TNK1: variants seen among roughly 807,000 people sequenced by gnomAD.
TNK1 encodes tyrosine kinase non receptor 1, also known as non-receptor tyrosine-protein kinase TNK1.
A neutral mutation model predicts 65.2 loss-of-function variants in TNK1; 53 were observed. The observed-to-expected ratio is 0.81, with a 90% confidence interval of 0.65 to 1.02. The LOEUF is 1.02. Ranked by LOEUF, TNK1 falls within the 50% of genes least tolerant of loss-of-function variation. The probability of loss-of-function intolerance (pLI) is 0.00; values close to 1 mark genes in which losing one functional copy is unlikely to be tolerated. For synonymous variants in TNK1, 353 were observed against 364.6 expected, an observed-to-expected ratio of 0.97 and a Z score of 0.36; for missense variants, 837 against 878.4, an observed-to-expected ratio of 0.95 and a Z score of 0.60.
rs1435886446 is a variant in TNK1, at chr17:7,383,735, G to A, written c.453G>A (p.Arg151=). ...KSVPVAVKSL[R]VGPEGPMGTE... is the part of the protein sequence containing the mutation. ...TCCCAGTGGCTGTCAAGTCCCTCCGGGTAGGTCCCGAAGGCCCGATGGGCA... is the reference window on the plus strand; with the variant it reads ...TCCCAGTGGCTGTCAAGTCCCTCCGAGTAGGTCCCGAAGGCCCGATGGGCA... The change falls in exon 5 of 13, where the codon CGG becomes CGA. Residue 151 remains arginine, a synonymous_variant. Coordinates refer to ENST00000688331, the MANE Select transcript of TNK1 (RefSeq NM_003985.6). The A allele has an allele frequency of 3.7e-6, 6 of 1,612,362 alleles. No individual in the cohort carries two copies. The highest frequency in any genetic ancestry group is 5.1e-6 in the Non-Finnish European group (6 of 1,179,236).
chr17:7,389,316 C>T lies in TNK1; in HGVS notation c.*232C>T, dbSNP rs1905435019. The T allele has an allele frequency of 3.5e-6, 2 of 574,286 alleles. No homozygotes were observed. Among genetic ancestry groups the T allele is most frequent in the Non-Finnish European group, 3.1e-6 (1 of 321,052 alleles). 35.6% of individuals were successfully genotyped at this position (574,286 alleles called of 1,614,324 possible). ...GAAGGCTGAAGCTCCTTTGGCTGGG[C>T]CAAGAAGGATCTAGTCTGCCCACTA... is the stretch of plus-strand genomic sequence containing the variant. On this transcript the variant is annotated 3_prime_UTR_variant, in exon 13 of 13. Coordinates refer to ENST00000688331, the MANE Select transcript of TNK1 (RefSeq NM_003985.6).
chr17:7,384,091 A>G lies in TNK1; in HGVS notation c.704A>G (p.Tyr235Cys). The change falls in exon 6 of 13, where the codon TAC (tyrosine) becomes TGC (cysteine). Residue 235 changes from tyrosine (Y) to cysteine (C), a missense_variant. Physicochemically the swap from Tyr to Cys is radical, Grantham distance 194 (BLOSUM62 -2). Transcript: ENST00000688331. The part of the protein sequence containing the change: ...FLRQLAGAMA[Y>C]LGARGLVHRD... ...CGGCAGCTGGCGGGAGCCATGGCGT[A>G]CCTGGGGGCCCGCGGGCTGGTGCAC... The G allele has an allele frequency of 6.5e-7, 1 of 1,543,296 alleles. No homozygotes were observed. Among genetic ancestry groups the G allele is most frequent in the Non-Finnish European group, 8.7e-7 (1 of 1,152,226 alleles).
chr17:7,389,355 G>C lies in TNK1; in HGVS notation c.*271G>C, dbSNP rs887884413. 2 of 535,658 alleles carry C rather than the reference G, an allele frequency of 3.7e-6. No homozygotes were observed. Among genetic ancestry groups the C allele is most frequent in the African/African-American group, 3.8e-5 (2 of 52,880 alleles). 33.2% of individuals were successfully genotyped at this position (535,658 alleles called of 1,614,324 possible). ...GTCTGCCCACTACATTCTCAAACAA[G>C]AGGACTTGGAAGAAAAGAGCTGCTA... On this transcript the variant is annotated 3_prime_UTR_variant, in exon 13 of 13. Transcript: ENST00000688331.
At chr17:7,385,380 A>T (rs1482017656) in intron 7 of TNK1, among the ~76,000 whole-genome samples, 1 of 89,972 alleles carries the variant, frequency 1.1e-5, no homozygotes, top group East Asian at 5.5e-4. Context: ...AAAAAAAAAG[A>T]AGAAGAAGAA....
chr17:7,384,242 C>T lies in TNK1; in HGVS notation c.855C>T (p.Ile285=), dbSNP rs1414319942. The T allele has an allele frequency of 6.8e-7, 1 of 1,479,200 alleles. No homozygotes were observed. Among genetic ancestry groups the T allele is most frequent in the East Asian group, 2.5e-5 (1 of 39,768 alleles). The allele number at this position is 1,479,200 out of a possible 1,614,324, so 91.6% of individuals were successfully genotyped here. Residue 285 remains isoleucine (I), a synonymous_variant, in exon 6 of 13, where the codon ATC becomes ATT. Transcript: ENST00000688331. The part of the protein sequence containing the change: ...GRYVMGGPRP[I]PYAWCAPESL... ...ACGTCATGGGCGGGCCCCGCCCTATCCCCTACGCCTGGTGAGAGCGGGTCC... is the reference window on the plus strand; with the variant it reads ...ACGTCATGGGCGGGCCCCGCCCTATTCCCTACGCCTGGTGAGAGCGGGTCC...
Position 7,388,912 on chromosome 17 carries a change from C to T in TNK1, c.1872+29C>T. ...AAGCCAGCCCCTTCTCTTGGGGTCC[C>T]TCCTCTCCTGCCCCTGCCGCCTGGC... On this transcript the variant is annotated intron_variant, in intron 12 of 12. Coordinates refer to ENST00000688331, the MANE Select transcript of TNK1 (RefSeq NM_003985.6). The surrounding 1 kb of genome is among the most constrained non-coding windows in gnomAD (Gnocchi z 4.5). The T allele has an allele frequency of 6.4e-7, 1 of 1,567,174 alleles. No individual in the cohort carries two copies. Among genetic ancestry groups the T allele is most frequent in the African/African-American group, 1.4e-5 (1 of 73,848 alleles).
At chr17:7,387,518 C>A in intron 10 of TNK1, 61 bp downstream of exon 10, 1 of 1,409,000 alleles carries the variant, frequency 7.1e-7, no homozygotes. Context: ...AATTCCGACC[C>A]CCTGCCCTAA....
In TNK1 at chr17:7,388,798, G is replaced by T; in HGVS notation, c.1787G>T (p.Ser596Ile). Residue 596 changes from serine to isoleucine, a missense_variant, in exon 12 of 13, where the codon AGT becomes ATT. Physicochemically the swap from Ser to Ile is moderately radical, Grantham distance 142. Transcript: ENST00000688331. The surrounding 1 kb of genome is among the most constrained non-coding windows in gnomAD (Gnocchi z 4.5). ...CTTTGTCTGTCACAGGTGGAGCTGA[G>T]TGTGCATGGGGTCACCCACCAGGAG... ...LQRKIMEVEL[S>I]VHGVTHQECQ... The T allele has an allele frequency of 6.2e-7, 1 of 1,607,270 alleles. No homozygotes were observed. The highest frequency in any genetic ancestry group is 8.5e-7 in the Non-Finnish European group (1 of 1,176,704).
Position 7,388,840 on chromosome 17 carries a change from GA to G in TNK1, c.1830del (p.Ala611ProfsTer15), listed in dbSNP as rs778675986. The G allele has an allele frequency of 2.1e-5, 34 of 1,606,932 alleles. No individual in the cohort carries two copies. In the Admixed American group the frequency reaches 5.3e-4, roughly 25 times the overall value. On this transcript the variant is annotated frameshift_variant, in exon 12 of 13. Coordinates refer to ENST00000688331, the MANE Select transcript of TNK1 (RefSeq NM_003985.6). LOFTEE classifies it high-confidence loss of function. This position sits in a 1 kb window ranked among gnomAD's most constrained non-coding sequence, Gnocchi z 4.5. Reference sequence around the variant, plus strand: ...CACCAGGAGTGCCAGACAGCACTAGGAGCCACTGGGGGAGATGTGGTTTCTG... The same window carrying G: ...CACCAGGAGTGCCAGACAGCACTAGGGCCACTGGGGGAGATGTGGTTTCTG... ...VTHQECQTAL[G>X]ATGGDVVSAI... is the part of the protein sequence containing the mutation.
At position 7,384,210 on chromosome 17, in the gene TNK1, G is replaced by C. The variant is rs534996806; in HGVS notation, c.823G>C (p.Gly275Arg). The change falls in exon 6 of 13, where the codon GGC becomes CGC. Residue 275 changes from glycine (G) to arginine (R), a missense_variant. Gly to Arg is a moderately radical substitution (Grantham distance 125). Coordinates refer to ENST00000688331, the MANE Select transcript of TNK1 (RefSeq NM_003985.6). The part of the protein sequence containing the change: ...GLVRPLGGAR[G>R]RYVMGGPRPI... ...GGTGCGGCCTCTGGGCGGTGCCCGG[G>C]GCCGCTACGTCATGGGCGGGCCCCG... 4.3e-5 allele frequency: 65 copies of C among 1,519,548 alleles called. 1 individual carries two copies. The African/African-American group carries it at 5.0e-4, about 12-fold the overall frequency. 94.1% of individuals were successfully genotyped at this position (1,519,548 alleles called of 1,614,324 possible).
Position 7,382,912 on chromosome 17 carries a change from ACTCCTT to A in TNK1, c.-10_-5del. ...AAGGAGAGTGCCATCATCCTTAGGAACTCCTTCTCCAGACATGCTTCCTGAGGCTGG... is the reference window on the plus strand; with the variant it reads ...AAGGAGAGTGCCATCATCCTTAGGAACTCCAGACATGCTTCCTGAGGCTGG... On this transcript the variant is annotated 5_prime_UTR_variant, in exon 2 of 13. Coordinates refer to ENST00000688331, the MANE Select transcript of TNK1 (RefSeq NM_003985.6). The surrounding 1 kb of genome is among the most constrained non-coding windows in gnomAD (Gnocchi z 4.1). 1.9e-6 allele frequency: 3 copies of A among 1,612,914 alleles called. No homozygotes were observed. Among genetic ancestry groups the A allele is most frequent in the East Asian group, 2.2e-5 (1 of 44,842 alleles).
At position 7,383,039 on chromosome 17, in the gene TNK1, T is replaced by G; in HGVS notation, c.113T>G (p.Phe38Cys). The change falls in exon 2 of 13, where the codon TTC becomes TGC. Residue 38 changes from phenylalanine to cysteine, a missense_variant. Phe to Cys is a radical substitution (Grantham distance 205). Coordinates refer to ENST00000688331, the MANE Select transcript of TNK1 (RefSeq NM_003985.6). ...CTTAATGTCACTCGGCCAGAGCACT[T>G]CGACTTTGTAAAGCCTGAGGACCTG... The part of the protein sequence containing the change: ...EELNVTRPEH[F>C]DFVKPEDLDG... 6.2e-7 allele frequency: 1 copy of G among 1,614,038 alleles called. No individual in the cohort carries two copies. The highest frequency in any genetic ancestry group is 2.2e-5 in the East Asian group (1 of 44,890).
At position 7,382,687 on chromosome 17, in the gene TNK1, C is replaced by T; in HGVS notation, c.-91-149C>T. ...GCTAAAATTGCAGGTGTGAGCAGGG[C>T]AGGTTACTCAGCGGTGAAGGGACAG... On this transcript the variant is annotated intron_variant, in intron 1 of 12. Transcript: ENST00000688331. This position sits in a 1 kb window ranked among gnomAD's most constrained non-coding sequence, Gnocchi z 4.1. The T allele has an allele frequency of 3.8e-6, 2 of 528,290 alleles. No homozygotes were observed. Among genetic ancestry groups the T allele is most frequent in the South Asian group, 4.6e-5 (2 of 43,832 alleles). 32.7% of individuals were successfully genotyped at this position (528,290 alleles called of 1,614,324 possible). A position where few individuals can be genotyped will look rare whatever the true frequency, so the allele number is the denominator to read the frequency against.
Position 7,383,013 on chromosome 17 carries a change from G to C in TNK1, c.87G>C (p.Glu29Asp). 1 of 1,614,024 alleles carries C rather than the reference G, an allele frequency of 6.2e-7. No individual in the cohort carries two copies. Among genetic ancestry groups the C allele is most frequent in the Non-Finnish European group, 8.5e-7 (1 of 1,179,898 alleles). Residue 29 changes from glutamate (E) to aspartate (D), a missense_variant, in exon 2 of 13, where the codon GAG (glutamate) becomes GAC (aspartate). Glu to Asp is a conservative substitution (Grantham distance 45). Coordinates refer to ENST00000688331, the MANE Select transcript of TNK1 (RefSeq NM_003985.6). ...AGTTTTACTGGCCCATCCTTGAGGA[G>C]CTTAATGTCACTCGGCCAGAGCACT... ...LAQFYWPILEELNVTRPEHFD... is the reference protein window; with the variant it reads ...LAQFYWPILEDLNVTRPEHFD...
chr17:7,383,905 G>T, intron 5 of TNK1, 41 bp downstream of exon 5: 1 of 1,580,356 alleles, frequency 6.3e-7, no homozygotes, highest in Non-Finnish European at 8.6e-7. Context: ...CAGCCGTGCG[G>T]CAGGAGCGTG....
chr17:7,388,804 A>G lies in TNK1; in HGVS notation c.1793A>G (p.His598Arg), dbSNP rs768297347. The G allele has an allele frequency of 1.2e-6, 2 of 1,607,782 alleles. No homozygotes were observed. The highest frequency in any genetic ancestry group is 1.7e-6 in the Non-Finnish European group (2 of 1,177,022). ...CTGTCACAGGTGGAGCTGAGTGTGC[A>G]TGGGGTCACCCACCAGGAGTGCCAG... The part of the protein sequence containing the change: ...RKIMEVELSV[H>R]GVTHQECQTA... Residue 598 changes from histidine (H) to arginine (R), a missense_variant, in exon 12 of 13, where the codon CAT (histidine) becomes CGT (arginine). Transcript: ENST00000688331. This position sits in a 1 kb window ranked among gnomAD's most constrained non-coding sequence, Gnocchi z 4.5.
At chr17:7,383,398 A>G in intron 3 of TNK1, 27 bp from the exon 4 acceptor site, 1 of 1,613,958 alleles carries the variant, frequency 6.2e-7, no homozygotes, top group South Asian at 1.1e-5. Context: ...AGGGCTCTGC[A>G]TACCGGATTT....
At position 7,388,267 on chromosome 17, in the gene TNK1, A is replaced by G; in HGVS notation, c.1478-139A>G. 1 of 893,952 alleles carries G rather than the reference A, an allele frequency of 1.1e-6. No homozygotes were observed. Among genetic ancestry groups the G allele is most frequent in the South Asian group, 1.8e-5 (1 of 55,538 alleles). 55.4% of individuals were successfully genotyped at this position (893,952 alleles called of 1,614,324 possible). ...GTGCCGAAACCCCTTCTCTACAAAA[A>G]TACAAAAATTAGCCAGTCGTAATGG... On this transcript the variant is annotated intron_variant, in intron 10 of 12. Transcript: ENST00000688331. This position sits in a 1 kb window ranked among gnomAD's most constrained non-coding sequence, Gnocchi z 4.5.
chr17:7,380,330 G>A (rs1429384905), upstream of TNK1, among the ~76,000 whole-genome samples: 1 of 152,244 alleles, frequency 6.6e-6, no homozygotes, highest in Non-Finnish European at 1.5e-5. Context: ...GGACCCCTGA[G>A]AGAAGCGGAG....
Sources: gnomAD v4.1 joint callset for allele counts (sites outside exome capture counted in the v4.1 genomes callset) on GRCh38, gnomAD v4.1.1 for gene constraint, Gnocchi (gnomAD v3.1) non-coding constraint, MANE v1.5 for transcripts, NCBI Gene and HGNC (gene_info 2026-07-23, HGNC 2026-07-21) for gene names.